PLA2G4B: variants seen among roughly 807,000 people sequenced by gnomAD.
PLA2G4B encodes the protein phospholipase A2 group IVB.
Under a neutral mutation model 95.8 loss-of-function variants are expected in PLA2G4B, and 122 were observed. The observed-to-expected ratio is 1.27, with a 90% CI of 1.10 to 1.48. PLA2G4B has a LOEUF of 1.48. Ranked by LOEUF, PLA2G4B falls within the 40% of genes most tolerant of loss-of-function variation. PLA2G4B has a pLI of 0.00. For missense variants in PLA2G4B, 1,158 were observed against 996.2 expected (o/e 1.16, Z -2.19); for synonymous variants, 518 against 421.5 (o/e 1.23, Z -2.80).
In PLA2G4B at chr15:41,845,705, CTT is replaced by C; in HGVS notation, c.1427_1428del (p.Phe476TrpfsTer15). On this transcript the variant is annotated frameshift_variant, in exon 15 of 20. Coordinates refer to ENST00000458483, the MANE Select transcript of PLA2G4B (RefSeq NM_001114633.2). LOFTEE classifies it high-confidence loss of function. ...ACGGGGCCTTCATCCCCTCTGAGCT[CTT>C]TGGCTCCGAGTTCTTTATGGGGCAG... Reference protein sequence around the residue: ...KYGAFIPSELFGSEFFMGQLM... With the variant: ...KYGAFIPSELXGSEFFMGQLM... The C allele has an allele frequency of 6.2e-7, 1 of 1,613,402 alleles. No homozygotes were observed. The highest frequency in any genetic ancestry group is 8.5e-7 in the Non-Finnish European group (1 of 1,179,764).
Position 41,841,258 on chromosome 15 carries a change from C to T in PLA2G4B, c.420C>T (p.Ser140=), listed in dbSNP as rs377316217. ...SLADRGEWLV[S]NGVLVARELS... is the part of the protein sequence containing the mutation. ...CTGACCGTGGCGAGTGGCTCGTCAGCAATGGCGTTCTGGTGGTGAGTGTGC... is the reference window on the plus strand; with the variant it reads ...CTGACCGTGGCGAGTGGCTCGTCAGTAATGGCGTTCTGGTGGTGAGTGTGC... The change falls in exon 6 of 20, where the codon AGC becomes AGT. Residue 140 remains serine, a synonymous_variant. Transcript: ENST00000458483. 9.1e-4 allele frequency: 1,462 copies of T among 1,613,132 alleles called. 22 individuals are homozygous for T. In the South Asian group the frequency reaches 0.015, roughly 17 times the overall value.
chr15:41,842,983 C>T (rs1052259159), intron 10 of PLA2G4B: 12 of 208,850 alleles, frequency 5.7e-5, no homozygotes, highest in Non-Finnish European at 8.5e-5. Flanking sequence ...AAATGATCTT[C>T]GTAGAGTTGT....
intron 14 of PLA2G4B, 50 bp from the exon 15 acceptor site, chr15:41,845,587 TG>T (rs1309241956): frequency 6.2e-7 from 1 of 1,608,600 alleles, no homozygotes; most frequent in South Asian, 1.1e-5. Context: ...GGTGGGGGTG[TG>T]GGTGCCTAAG....
chr15:41,842,800 C>T (rs933830887), intron 10 of PLA2G4B: 47 of 676,068 alleles, frequency 7.0e-5, no homozygotes, highest in Admixed American at 3.5e-4. Flanking sequence ...GGCGAGTGAC[C>T]GGCCCAGTGC....
intron 10 of PLA2G4B, 79 bp downstream of exon 10, chr15:41,842,670 AGGGGG>A: frequency 8.3e-6 from 13 of 1,561,596 alleles, no homozygotes; most frequent in Non-Finnish European, 9.5e-6. Flanking sequence ...TGGAGGAGTG[AGGGGG>A]AGAAACAGCC....
intron 19 of PLA2G4B, 50 bp downstream of exon 19, chr15:41,847,573 C>T (rs752923219): frequency 4.4e-6 from 7 of 1,607,692 alleles, no homozygotes; most frequent in South Asian, 3.3e-5. Flanking sequence ...CCCCACACCT[C>T]CTCCGTCCCC....
At chr15:41,840,443 G>T (rs1254316852) in intron 2 of PLA2G4B, 81 bp from the exon 3 acceptor site, 11 of 1,607,366 alleles carry the variant, frequency 6.8e-6, no homozygotes, top group Non-Finnish European at 9.3e-6. Context: ...CCCACATGGG[G>T]CTCTAGGTGA....
chr15:41,842,198 C>T lies in PLA2G4B; in HGVS notation c.627C>T (p.Ala209=). Residue 209 remains alanine, a synonymous_variant, in exon 9 of 20, where the codon GCC becomes GCT. Transcript: ENST00000458483. ...GCATTCTTTGTCCCCTGCAGGATGCCCCCGAGGAGCAACTAAAGGCGCCAC... is the reference window on the plus strand; with the variant it reads ...GCATTCTTTGTCCCCTGCAGGATGCTCCCGAGGAGCAACTAAAGGCGCCAC... ...EQELSIRLQD[A]PEEQLKAPLS... is the part of the protein sequence containing the mutation. The T allele has an allele frequency of 6.2e-7, 1 of 1,613,952 alleles. No individual in the cohort carries two copies. The highest frequency in any genetic ancestry group is 8.5e-7 in the Non-Finnish European group (1 of 1,179,970).
intron 18 of PLA2G4B, among the ~76,000 whole-genome samples, 192 bp from the exon 19 acceptor site, chr15:41,847,145 C>T (rs1009062077): frequency 7.9e-5 from 12 of 152,148 alleles, no homozygotes; most frequent in Admixed American, 3.3e-4. Flanking sequence ...AACCCGGCTC[C>T]GTCTAGCCCC....
intron 1 of PLA2G4B, chr15:41,839,142 A>G: frequency 2.4e-6 from 1 of 423,262 alleles, no homozygotes; most frequent in Non-Finnish European, 4.3e-6. Context: ...GGCTCCTGGC[A>G]GAGCTCCCTG....
chr15:41,847,181 A>G (rs1411409561), intron 18 of PLA2G4B, among the ~76,000 whole-genome samples, 156 bp from the exon 19 acceptor site: 2 of 76,348 alleles, frequency 2.6e-5, no homozygotes, highest in African/African-American at 4.0e-5. Flanking sequence ...GAGGCCTGTC[A>G]GGTGTGGAGA....
chr15:41,846,105 A>C, intron 16 of PLA2G4B, 58 bp downstream of exon 16: 1 of 1,573,302 alleles, frequency 6.4e-7, no homozygotes, highest in Non-Finnish European at 8.7e-7. Context: ...GGGCTGCACC[A>C]GGGGGCGGGG....
Position 41,846,674 on chromosome 15 carries a change from A to ACTC in PLA2G4B, c.1787_1789dup (p.Thr596_Leu597insPro). On this transcript the variant is annotated inframe_insertion, in exon 18 of 20. Coordinates refer to ENST00000458483, the MANE Select transcript of PLA2G4B (RefSeq NM_001114633.2). Reference sequence around the variant, plus strand: ...TGCTCTCCCCAACCTTCCAGCTACCACTCTGGATGGGCTCCCCAACCAGCT... The same window carrying ACTC: ...TGCTCTCCCCAACCTTCCAGCTACCACTCCTCTGGATGGGCTCCCCAACCAGCT... 1 of 1,605,978 alleles carries ACTC rather than the reference A, an allele frequency of 6.2e-7. No individual in the cohort carries two copies. The highest frequency in any genetic ancestry group is 1.1e-5 in the South Asian group (1 of 90,480).
intron 11 of PLA2G4B, 21 bp downstream of exon 11, chr15:41,843,832 G>C: frequency 6.2e-7 from 1 of 1,611,908 alleles, no homozygotes; most frequent in Non-Finnish European, 8.5e-7. Context: ...TGGGCTGGAT[G>C]GGGTGTCCCC....
rs536179992 is a variant in PLA2G4B at position 41,842,538 on chromosome 15, C to T, written c.706-16C>T. On this transcript the variant is annotated splice_polypyrimidine_tract_variant and intron_variant, in intron 9 of 19. Transcript: ENST00000458483. Reference sequence around the variant, plus strand: ...GGTGGCCGACCTTTTGTGACTGGGGCCTTCACGGTTTTCAGGAGCCCCTGA... The same window carrying T: ...GGTGGCCGACCTTTTGTGACTGGGGTCTTCACGGTTTTCAGGAGCCCCTGA... 5.6e-6 allele frequency: 9 copies of T among 1,610,754 alleles called. No individual in the cohort carries two copies. Among genetic ancestry groups the T allele is most frequent in the Admixed American group, 1.7e-5 (1 of 58,850 alleles).
At position 41,841,058 on chromosome 15, in the gene PLA2G4B, G is replaced by A. The variant is rs2065422120; in HGVS notation, c.355G>A (p.Glu119Lys). Residue 119 changes from glutamate (E) to lysine (K), a missense_variant, in exon 5 of 20, where the codon GAG (glutamate) becomes AAG (lysine). Transcript: ENST00000458483. ...TTACTTCTGGCTCTCTTCCCAGGGT[G>A]AGGGGCGCCTGGAAGTTGAATTTCG... is the stretch of plus-strand genomic sequence containing the variant. ...RESFSLSPQG[E>K]GRLEVEFRLQ... The A allele has an allele frequency of 1.9e-6, 3 of 1,580,386 alleles. No homozygotes were observed. The highest frequency in any genetic ancestry group is 1.7e-5 in the Admixed American group (1 of 57,720).
intron 7 of PLA2G4B, 96 bp from the exon 8 acceptor site, chr15:41,841,723 C>A: frequency 6.4e-7 from 1 of 1,570,392 alleles, no homozygotes; most frequent in Non-Finnish European, 8.7e-7. Flanking sequence ...ACCATTTCAG[C>A]GGGGAGAGGG....
rs113148583 is a variant in PLA2G4B at position 41,841,241 on chromosome 15, G to C, written c.403G>C (p.Gly135Arg). 6.2e-7 allele frequency: 1 copy of C among 1,613,846 alleles called. No individual in the cohort carries two copies. The highest frequency in any genetic ancestry group is 1.7e-5 in the Admixed American group (1 of 60,020). Residue 135 changes from glycine (G) to arginine (R), a missense_variant, in exon 6 of 20, where the codon GGC (glycine) becomes CGC (arginine). Gly to Arg is a moderately radical substitution (Grantham distance 125, BLOSUM62 -2). Transcript: ENST00000458483. ...EFRLQSLADRGEWLVSNGVLV... is the reference protein window; with the variant it reads ...EFRLQSLADRREWLVSNGVLV... Reference sequence around the variant, plus strand: ...GGGGGCTCTTTCCAGGGCTGACCGTGGCGAGTGGCTCGTCAGCAATGGCGT... The same window carrying C: ...GGGGGCTCTTTCCAGGGCTGACCGTCGCGAGTGGCTCGTCAGCAATGGCGT...
chr15:41,847,934 C>G lies in PLA2G4B; in HGVS notation c.*74C>G. On this transcript the variant is annotated 3_prime_UTR_variant, in exon 20 of 20. Transcript: ENST00000458483. ...GAGTTGCAGGTGGGAACTGTCATCA[C>G]GCAGTGCTTCAGAGCCTCGGGCTCA... is the stretch of plus-strand genomic sequence containing the variant. The G allele has an allele frequency of 6.5e-7, 1 of 1,527,780 alleles. No individual in the cohort carries two copies. 94.6% of individuals were successfully genotyped at this position (1,527,780 alleles called of 1,614,324 possible).
Sources: allele counts gnomAD v4.1 joint callset (sites outside exome capture counted in the v4.1 genomes callset), GRCh38; gene constraint gnomAD v4.1.1; transcripts MANE v1.5; gene names NCBI Gene and HGNC (gene_info 2026-07-23, HGNC 2026-07-21).